CACNA2D2: variants seen among roughly 807,000 people sequenced by gnomAD.
CACNA2D2 encodes calcium voltage-gated channel auxiliary subunit alpha2delta 2.
In CACNA2D2, 48 loss-of-function variants were observed where a neutral mutation model predicts 166.4. The observed-to-expected ratio is 0.29, with a 90% confidence interval of 0.23 to 0.37. The LOEUF is 0.37. Ranked by LOEUF, CACNA2D2 falls within the 10% of genes least tolerant of loss-of-function variation. The probability of loss-of-function intolerance (pLI) is 1.00; values close to 1 mark genes in which losing one functional copy is unlikely to be tolerated. For synonymous variants in CACNA2D2, 561 were observed against 573.7 expected, an observed-to-expected ratio of 0.98 and a Z score of 0.32; for missense variants, 1,122 against 1,433.0, an observed-to-expected ratio of 0.78 and a Z score of 3.50.
chr3:50,381,154 G>A, intron 6 of CACNA2D2, 28 bp from the exon 7 acceptor site: 1 of 1,611,904 alleles, frequency 6.2e-7, no homozygotes, highest in Non-Finnish European at 8.5e-7. Context: ...GCTGGGGTGG[G>A]GAGCACCTGG....
chr3:50,464,244 T>C (rs931456645), intron 2 of CACNA2D2, among the ~76,000 whole-genome samples: 5 of 152,218 alleles, frequency 3.3e-5, no homozygotes. Context: ...CCAAGATTAT[T>C]TGGGCACTCC....
At position 50,363,630 on chromosome 3, in the gene CACNA2D2, GT is replaced by G; in HGVS notation, c.*1035del. 1 of 207,300 alleles carries G rather than the reference GT, an allele frequency of 4.8e-6. No individual in the cohort carries two copies. Among genetic ancestry groups the G allele is most frequent in the Non-Finnish European group, 9.5e-6 (1 of 105,360 alleles). The allele number at this position is 207,300 out of a possible 1,614,324, so 12.8% of individuals were successfully genotyped here. A position where few individuals can be genotyped will look rare whatever the true frequency, so the allele number is the denominator to read the frequency against. On this transcript the variant is annotated 3_prime_UTR_variant, in exon 38 of 38. Coordinates refer to ENST00000424201, the MANE Select transcript of CACNA2D2 (RefSeq NM_006030.4). ...GGATGGCCCAGCCAGGAGAGACAAA[GT>G]CACCCCTGCTAAGGCAAAGGGTGAT... is the stretch of plus-strand genomic sequence containing the variant.
At chr3:50,372,203 C>G (rs1321878834) in intron 22 of CACNA2D2, among the ~76,000 whole-genome samples, 2 of 152,204 alleles carry the variant, frequency 1.3e-5, no homozygotes, top group Non-Finnish European at 2.9e-5. Context: ...GGCTTAGGCA[C>G]CCCAGTGTGC....
chr3:50,418,838 C>T (rs1227825970), intron 3 of CACNA2D2, among the ~76,000 whole-genome samples: 5 of 152,224 alleles, frequency 3.3e-5, no homozygotes, highest in African/African-American at 9.6e-5. Flanking sequence ...ACAGCTGGGG[C>T]ATGGCTGGGA....
In CACNA2D2 at chr3:50,380,636, T is replaced by C; in HGVS notation, c.842+112A>G. On this transcript the variant is annotated intron_variant, in intron 8 of 37. Transcript: ENST00000424201. The surrounding 1 kb of genome is among the most constrained non-coding windows in gnomAD (Gnocchi z 4.9). ...AACCATGTGTGAAATGAAAATTGGA[T>C]ACAGCTGGCTGCGCCCTGCTAGGAG... 1.1e-6 allele frequency: 1 copy of C among 871,204 alleles called. No individual in the cohort carries two copies. Among genetic ancestry groups the C allele is most frequent in the Non-Finnish European group, 1.7e-6 (1 of 582,358 alleles). 54.0% of individuals were successfully genotyped at this position (871,204 alleles called of 1,614,324 possible). A position where few individuals can be genotyped will look rare whatever the true frequency, so the allele number is the denominator to read the frequency against.
At chr3:50,443,377 C>T (rs1055575159) in intron 2 of CACNA2D2, among the ~76,000 whole-genome samples, 2 of 152,234 alleles carry the variant, frequency 1.3e-5, no homozygotes, top group African/African-American at 2.4e-5. Flanking sequence ...ATGACAGGTC[C>T]TCTGTGTGGC....
chr3:50,365,979 C>A lies in CACNA2D2; in HGVS notation c.2862+32G>T. 1.2e-6 allele frequency: 2 copies of A among 1,610,582 alleles called. No individual in the cohort carries two copies. The highest frequency in any genetic ancestry group is 1.7e-6 in the Non-Finnish European group (2 of 1,178,354). The stretch of plus-strand genomic sequence containing the variant: ...TGTGGGCAGGTCTCCCAGTCCCCCC[C>A]ATCTCCAGTCCAGGCATCTCTGGGG... On this transcript the variant is annotated intron_variant, in intron 32 of 37. Coordinates refer to ENST00000424201, the MANE Select transcript of CACNA2D2 (RefSeq NM_006030.4). This position sits in a 1 kb window ranked among gnomAD's most constrained non-coding sequence, Gnocchi z 4.5.
rs1012393946 is a variant in CACNA2D2, at chr3:50,370,196, T to C, written c.2045+124A>G. 106 of 708,024 alleles carry C rather than the reference T, an allele frequency of 1.5e-4. 1 individual carries two copies. Among genetic ancestry groups the C allele is most frequent in the Non-Finnish European group, 2.8e-5 (11 of 392,580 alleles). 43.9% of individuals were successfully genotyped at this position (708,024 alleles called of 1,614,324 possible). ...ACAGCCGCGCATACCGGGCGATGTA[T>C]GGGGGCCGGGGGATGACACTGCACA... On this transcript the variant is annotated intron_variant, in intron 23 of 37. Transcript: ENST00000424201.
chr3:50,471,228 A>C (rs1264942061), intron 2 of CACNA2D2, among the ~76,000 whole-genome samples: 1 of 150,886 alleles, frequency 6.6e-6, no homozygotes, highest in Non-Finnish European at 1.5e-5. Flanking sequence ...GGAGCCCTGC[A>C]GAGGGGCTGT....
intron 2 of CACNA2D2, among the ~76,000 whole-genome samples, chr3:50,472,717 G>C (rs1262952600): frequency 6.6e-6 from 1 of 152,138 alleles, no homozygotes; most frequent in African/African-American, 2.4e-5. Context: ...CCATCAGAGT[G>C]ACCTGGGCTT....
chr3:50,485,945 C>T (rs1002613595), intron 1 of CACNA2D2, among the ~76,000 whole-genome samples: 1 of 152,146 alleles, frequency 6.6e-6, no homozygotes, highest in Non-Finnish European at 1.5e-5. Flanking sequence ...CAGGGTTCTC[C>T]AGGAAGCCTG....
At chr3:50,384,144 C>A in intron 6 of CACNA2D2, 52 bp downstream of exon 6, 1 of 1,599,408 alleles carries the variant, frequency 6.3e-7, no homozygotes, top group Non-Finnish European at 8.5e-7. Flanking sequence ...TGGCAGTGGG[C>A]CTGCCCCCAC....
chr3:50,481,505 G>A (rs1385374396), intron 1 of CACNA2D2, among the ~76,000 whole-genome samples: 1 of 152,172 alleles, frequency 6.6e-6, no homozygotes. Flanking sequence ...TGGGCAGCAG[G>A]GGAAGCAGGA....
Position 50,366,982 on chromosome 3 carries a change from G to A in CACNA2D2, c.2500+29C>T. 6.2e-7 allele frequency: 1 copy of A among 1,613,006 alleles called. No homozygotes were observed. The highest frequency in any genetic ancestry group is 8.5e-7 in the Non-Finnish European group (1 of 1,179,312). ...CCAGGCAGTACCCTGTCCATTGCCT[G>A]TTTCCCCACCTCTGTCCCAAACATT... On this transcript the variant is annotated intron_variant, in intron 28 of 37. Transcript: ENST00000424201. This position sits in a 1 kb window ranked among gnomAD's most constrained non-coding sequence, Gnocchi z 5.9.
chr3:50,400,740 G>A (rs1485284068), intron 3 of CACNA2D2, among the ~76,000 whole-genome samples: 2 of 152,224 alleles, frequency 1.3e-5, no homozygotes, highest in South Asian at 4.1e-4. Context: ...AGCCTTACCC[G>A]TCCCTCAAGG....
Position 50,368,118 on chromosome 3 carries a change from C to T in CACNA2D2, c.2143+20G>A, listed in dbSNP as rs1267308899. On this transcript the variant is annotated intron_variant, in intron 24 of 37. Coordinates refer to ENST00000424201, the MANE Select transcript of CACNA2D2 (RefSeq NM_006030.4). ...CTGCCTGGGCACTGCCCAGAGCCAG[C>T]TGCCCTGCCAGGCACTCACACTGCT... 5 of 1,562,900 alleles carry T rather than the reference C, an allele frequency of 3.2e-6. No individual in the cohort carries two copies. The African/African-American group carries it at 6.8e-5, about 21-fold the overall frequency.
intron 3 of CACNA2D2, among the ~76,000 whole-genome samples, chr3:50,402,672 C>T (rs1575633719): frequency 6.6e-6 from 1 of 152,304 alleles, no homozygotes; most frequent in African/African-American, 2.4e-5. Context: ...GGGGCTCAAA[C>T]GGGTGGGAAT....
intron 3 of CACNA2D2, among the ~76,000 whole-genome samples, chr3:50,432,001 C>G (rs201748386): frequency 1.8e-3 from 215 of 121,858 alleles, no homozygotes; most frequent in Middle Eastern, 8.1e-3. Context: ...AAAAAAAAAA[C>G]AAAGAAAGAA....
intron 2 of CACNA2D2, among the ~76,000 whole-genome samples, chr3:50,472,624 C>T (rs973146174): frequency 1.3e-5 from 2 of 152,180 alleles, no homozygotes; most frequent in African/African-American, 4.8e-5. Flanking sequence ...ATCTCTCCTG[C>T]TTTGCCTTCC....
Sources: gnomAD v4.1 joint callset for allele counts (sites outside exome capture counted in the v4.1 genomes callset) on GRCh38, gnomAD v4.1.1 for gene constraint, Gnocchi (gnomAD v3.1) non-coding constraint, MANE v1.5 for transcripts, NCBI Gene and HGNC (gene_info 2026-07-23, HGNC 2026-07-21) for gene names.